The following CELF2 variants were observed in gnomAD, a reference collection of about 807,000 sequenced individuals.
CELF2 encodes the protein CUG triplet repeat RNA-binding protein 2.
Under a neutral mutation model 62.6 loss-of-function variants are expected in CELF2, and 8 were observed. The observed-to-expected ratio is 0.13, with a 90% CI of 0.07 to 0.23. The LOEUF is 0.23. Among genes scored for constraint, CELF2 ranks in the 10% least tolerant of loss-of-function variants. CELF2 has a pLI of 1.00. For synonymous variants in CELF2, 258 were observed against 250.0 expected, an observed-to-expected ratio of 1.03 and a Z score of -0.30; for missense variants, 333 against 671.0, an observed-to-expected ratio of 0.50 and a Z score of 5.56.
At chr10:11,080,536 C>T (rs780900077) in intron 1 of CELF2, among the ~76,000 whole-genome samples, 1 of 152,160 alleles carries the variant, frequency 6.6e-6, no homozygotes, top group Non-Finnish European at 1.5e-5. Flanking sequence ...AATAAGTAGA[C>T]TTTGTACTTA....
chr10:11,288,571 C>T lies in CELF2; in HGVS notation c.976+19C>T, dbSNP rs1295444686. On this transcript the variant is annotated intron_variant, in intron 9 of 12. Transcript: ENST00000633077. ...AGTCCCGGTGAGTGTGGGGGGTGCT[C>T]TTCCCTTGCAGGTGATGCAGCAGGA... is the stretch of plus-strand genomic sequence containing the variant. 1.2e-6 allele frequency: 2 copies of T among 1,612,416 alleles called. No individual in the cohort carries two copies. Among genetic ancestry groups the T allele is most frequent in the African/African-American group, 2.7e-5 (2 of 74,898 alleles).
At chr10:10,529,682 TCA>T in the CELF2 span, among the ~76,000 whole-genome samples, 16 of 30,936 alleles carry the variant, frequency 5.2e-4, no homozygotes, top group Non-Finnish European at 8.4e-4. Flanking sequence ...AGACTCCATC[TCA>T]AAAAAAAAAA....
At position 10,973,847 on chromosome 10, in the gene CELF2, C is replaced by T. The variant is rs977933916; in HGVS notation, c.89+53848C>T. Among the ~76,000 whole-genome samples the T allele has an allele frequency of 2.6e-5, 4 of 152,180 alleles. No homozygotes were observed. The South Asian group carries it at 6.2e-4, about 24-fold the overall frequency. ...CCTCCCAAAGTGCTGGGATTACAGG[C>T]ATTAGCCACCCTGCCTTGCCAATGT... is the stretch of plus-strand genomic sequence containing the variant. On this transcript the variant is annotated intron_variant, in intron 2 of 13. Transcript: ENST00000636488.
At chr10:10,666,555 G>A in the CELF2 span, among the ~76,000 whole-genome samples, 1 of 152,194 alleles carries the variant, frequency 6.6e-6, no homozygotes, top group Admixed American at 6.5e-5. Context: ...CACCTAAGGA[G>A]GATGATTATG....
Position 11,098,408 on chromosome 10 carries a change from C to A in CELF2, c.75-67078C>A, listed in dbSNP as rs932021129. The A allele has an allele frequency of 2.6e-5, 4 of 152,156 alleles. No individual in the cohort carries two copies. The highest frequency in any genetic ancestry group is 4.4e-5 in the Non-Finnish European group (3 of 68,078). 9.4% of individuals were successfully genotyped at this position (152,156 alleles called of 1,614,324 possible). ...TCCCTCCTGCTTAGCTCCATTTGCC[C>A]TTAGGTCAGGCACATTGACGTGAGC... On this transcript the variant is annotated intron_variant, in intron 1 of 12. Transcript: ENST00000633077. This position sits in a 1 kb window ranked among gnomAD's most constrained non-coding sequence, Gnocchi z 4.0.
At chr10:10,738,219 A>G in the CELF2 span, among the ~76,000 whole-genome samples, 1 of 152,240 alleles carries the variant, frequency 6.6e-6, no homozygotes, top group Non-Finnish European at 1.5e-5. Context: ...GTATGTGGCA[A>G]CATCTTTTAT....
chr10:10,730,787 C>T, the CELF2 span, among the ~76,000 whole-genome samples: 1 of 152,164 alleles, frequency 6.6e-6, no homozygotes, highest in Non-Finnish European at 1.5e-5. Flanking sequence ...CAGGTCACTT[C>T]CAGGCTGGGC....
At chr10:11,032,292 T>A (rs746920548) in intron 1 of CELF2, among the ~76,000 whole-genome samples, 1 of 152,154 alleles carries the variant, frequency 6.6e-6, no homozygotes, top group African/African-American at 2.4e-5. Context: ...AGACCCAGTT[T>A]CTAATTTCAG....
chr10:11,204,478 C>T lies in CELF2; in HGVS notation c.272-12947C>T, dbSNP rs141793551. On this transcript the variant is annotated intron_variant, in intron 2 of 12. Transcript: ENST00000633077. ...AGGGGAAGGGGGTGTGAAAATGCTC[C>T]GGTGAGAGTCAACCCCCTGAGTATA... Among the ~76,000 whole-genome samples the T allele has an allele frequency of 2.8e-3, 421 of 152,252 alleles. 2 individuals are homozygous for T. The highest frequency in any genetic ancestry group is 9.4e-3 in the African/African-American group (389 of 41,550).
chr10:10,522,011 C>T, the CELF2 span, among the ~76,000 whole-genome samples: 1 of 152,174 alleles, frequency 6.6e-6, no homozygotes, highest in Non-Finnish European at 1.5e-5. Context: ...CATGGTCCAG[C>T]TGGGGTTTCA....
chr10:10,722,379 T>C, the CELF2 span, among the ~76,000 whole-genome samples: 1 of 152,126 alleles, frequency 6.6e-6, no homozygotes, highest in Non-Finnish European at 1.5e-5. Flanking sequence ...GAATAGTGCA[T>C]GTTAAAAAAT....
chr10:10,714,097 C>T, the CELF2 span, among the ~76,000 whole-genome samples: 3 of 152,194 alleles, frequency 2.0e-5, no homozygotes, highest in South Asian at 4.2e-4. Context: ...AAGACCAACA[C>T]GAAGACCCTA....
intron 2 of CELF2, chr10:10,937,531 C>T (rs2046561791): frequency 6.6e-6 from 1 of 152,114 alleles, no homozygotes; most frequent in African/African-American, 2.4e-5. Context: ...TCTCTTCAAA[C>T]TCTGAGTTAC....
chr10:11,049,225 T>TA (rs199569531), intron 1 of CELF2, among the ~76,000 whole-genome samples: 6 of 150,102 alleles, frequency 4.0e-5, no homozygotes, highest in Non-Finnish European at 5.9e-5. Flanking sequence ...TTTTTTTTTT[T>TA]AAAACTGCCT....
At chr10:11,271,210 G>T (rs1050348974) in intron 7 of CELF2, among the ~76,000 whole-genome samples, 1 of 152,256 alleles carries the variant, frequency 6.6e-6, no homozygotes, top group Non-Finnish European at 1.5e-5. Flanking sequence ...TCCATTCCAT[G>T]ATCCTGGCTC....
chr10:11,134,935 A>C (rs1183241190), intron 1 of CELF2, among the ~76,000 whole-genome samples: 1 of 152,222 alleles, frequency 6.6e-6, no homozygotes, highest in African/African-American at 2.4e-5. Context: ...GCTTGAGAAA[A>C]TATCCCCTAC....
At chr10:10,932,293 A>G (rs10905868) in intron 2 of CELF2, among the ~76,000 whole-genome samples, 35,933 of 151,994 alleles carry the variant, frequency 0.24, 4,404 homozygotes, top group African/African-American at 0.28. Context: ...CAAAAGGTAC[A>G]GAGATTCACT....
chr10:10,553,367 T>C, the CELF2 span, among the ~76,000 whole-genome samples: 11 of 152,150 alleles, frequency 7.2e-5, no homozygotes, highest in East Asian at 2.1e-3. Flanking sequence ...AGCCAAACCA[T>C]ATAATGCCTC....
intron 2 of CELF2, among the ~76,000 whole-genome samples, chr10:11,204,304 A>T (rs1314248955): frequency 6.6e-6 from 1 of 152,190 alleles, no homozygotes; most frequent in Non-Finnish European, 1.5e-5. Flanking sequence ...TAGCCATTAA[A>T]CCGCATCTCT....
Sources: gnomAD v4.1 joint callset for allele counts (sites outside exome capture counted in the v4.1 genomes callset) on GRCh38, gnomAD v4.1.1 for gene constraint, Gnocchi (gnomAD v3.1) non-coding constraint, MANE v1.5 for transcripts, NCBI Gene and HGNC (gene_info 2026-07-23, HGNC 2026-07-21) for gene names.